The following DLG2 variants were observed in gnomAD, a reference collection of about 807,000 sequenced individuals.
The protein encoded by DLG2 is disks large homolog 2.
Under a neutral mutation model 132.5 loss-of-function variants are expected in DLG2, and 45 were observed. The ratio of observed to expected loss-of-function variants is 0.34; its 90% CI spans 0.27 to 0.44. The LOEUF (loss-of-function observed/expected upper bound fraction) is 0.44, where lower values mean the gene tolerates loss of function less well. Among genes scored for constraint, DLG2 ranks in the 20% least tolerant of loss-of-function variants. The probability of loss-of-function intolerance (pLI) is 1.00; values close to 1 mark genes in which losing one functional copy is unlikely to be tolerated. For synonymous variants in DLG2, 424 were observed against 419.6 expected (o/e 1.01, Z -0.13); for missense variants, 1,045 against 1,196.9 (o/e 0.87, Z 1.87).
chr11:84,342,162 C>T (rs935194800), intron 7 of DLG2, among the ~76,000 whole-genome samples: 2 of 152,078 alleles, frequency 1.3e-5, no homozygotes, highest in South Asian at 2.1e-4. Context: ...TTGAAGCTCA[C>T]CCAGGAGACT....
chr11:84,094,974 A>G (rs1057294811), intron 10 of DLG2, among the ~76,000 whole-genome samples: 4 of 152,186 alleles, frequency 2.6e-5, no homozygotes, highest in African/African-American at 7.2e-5. Context: ...AGTGGCTTAC[A>G]TTATAAACTT....
rs201138966 is a variant in DLG2, at chr11:83,874,541, TA to T, written c.1497-54del. On this transcript the variant is annotated intron_variant, in intron 15 of 27. Transcript: ENST00000376104. ...ATCATTTATTTATTTTTTATTTTTT[TA>T]TTTTTTTATTATACTTTAAGTTTTA... The T allele has an allele frequency of 4.9e-4, 631 of 1,284,126 alleles. 3 individuals are homozygous for T. The African/African-American group carries it at 0.013, about 26-fold the overall frequency. The allele number at this position is 1,284,126 out of a possible 1,614,324, so 79.5% of individuals were successfully genotyped here.
intron 6 of DLG2, among the ~76,000 whole-genome samples, chr11:84,898,843 A>AT (rs2090529564): frequency 6.6e-6 from 1 of 152,068 alleles, no homozygotes; most frequent in South Asian, 2.1e-4. Flanking sequence ...AAAGATTCAG[A>AT]TTGAATTTAG....
chr11:83,988,107 T>A (rs1289721355), intron 11 of DLG2, among the ~76,000 whole-genome samples: 1 of 152,212 alleles, frequency 6.6e-6, no homozygotes, highest in Non-Finnish European at 1.5e-5. Flanking sequence ...TGATGATAGT[T>A]TATTTTGCTG....
chr11:85,408,072 A>G (rs1476597330), intron 3 of DLG2, among the ~76,000 whole-genome samples: 1 of 151,522 alleles, frequency 6.6e-6, no homozygotes, highest in African/African-American at 2.4e-5. Context: ...CTCAATAACA[A>G]GAATTTTTTG....
At chr11:84,963,169 G>T (rs1772906983) in intron 6 of DLG2, among the ~76,000 whole-genome samples, 1 of 152,150 alleles carries the variant, frequency 6.6e-6, no homozygotes, top group Admixed American at 6.5e-5. Flanking sequence ...CTTTTTGAGA[G>T]CCTTTAGGTA....
intron 18 of DLG2, among the ~76,000 whole-genome samples, chr11:83,670,581 T>C (rs1370136786): frequency 6.6e-6 from 1 of 151,970 alleles, no homozygotes; most frequent in African/African-American, 2.4e-5. Flanking sequence ...AAATTCATTG[T>C]GTTGTCATAG....
chr11:85,176,477 G>A (rs115990599), intron 4 of DLG2, among the ~76,000 whole-genome samples: 2 of 152,218 alleles, frequency 1.3e-5, no homozygotes, highest in African/African-American at 4.8e-5. Flanking sequence ...ATGGATTAAT[G>A]ATCTAAATAT....
chr11:85,565,931 C>G (rs1472839563), intron 3 of DLG2, among the ~76,000 whole-genome samples: 4 of 152,130 alleles, frequency 2.6e-5, no homozygotes, highest in Non-Finnish European at 5.9e-5. Context: ...AACTGCCACA[C>G]AGTTTTTCAC....
At chr11:84,378,944 C>G (rs2098739894) in intron 7 of DLG2, among the ~76,000 whole-genome samples, 1 of 151,086 alleles carries the variant, frequency 6.6e-6, no homozygotes, top group Non-Finnish European at 1.5e-5. Context: ...GACTCCATCT[C>G]AAAAACATCT....
intron 3 of DLG2, among the ~76,000 whole-genome samples, chr11:85,448,727 T>C (rs560698140): frequency 9.9e-5 from 15 of 152,150 alleles, no homozygotes; most frequent in Non-Finnish European, 2.1e-4. Context: ...AGATAAGGGT[T>C]TGGGGACCCA....
chr11:84,888,685 C>A lies in DLG2; in HGVS notation c.357+222976G>T, dbSNP rs1478441067. ...TTGCATCTCAGGCAAAAAAAAAAAT[C>A]TTTTCTTATTAGCTTCTATCCTCCA... On this transcript the variant is annotated intron_variant, in intron 6 of 27. Coordinates refer to ENST00000376104, the MANE Select transcript of DLG2 (RefSeq NM_001142699.3). 1.3e-5 allele frequency among the ~76,000 whole-genome samples: 2 copies of A among 151,490 alleles called. 1 individual carries two copies. Among genetic ancestry groups the A allele is most frequent in the Non-Finnish European group, 2.9e-5 (2 of 67,892 alleles).
At chr11:83,461,461 AT>A (rs1012976705) in intron 27 of DLG2, 1 of 152,394 alleles carries the variant, frequency 6.6e-6, no homozygotes, top group Non-Finnish European at 1.5e-5. Flanking sequence ...CCAAGGAAAC[AT>A]TTAAAAAGAA....
intron 7 of DLG2, among the ~76,000 whole-genome samples, chr11:84,345,676 C>T (rs2098536376): frequency 6.6e-6 from 1 of 151,954 alleles, no homozygotes; most frequent in Non-Finnish European, 1.5e-5. Flanking sequence ...AAATCCTTCT[C>T]TGGTACTTTG....
chr11:84,545,107 C>G (rs928295560), intron 6 of DLG2: 6 of 452,086 alleles, frequency 1.3e-5, no homozygotes, highest in African/African-American at 1.2e-4. Context: ...CTCTCTCACG[C>G]TAAGCTTTGT....
chr11:85,352,039 T>C (rs2083330955), intron 3 of DLG2, among the ~76,000 whole-genome samples: 1 of 152,226 alleles, frequency 6.6e-6, no homozygotes, highest in Non-Finnish European at 1.5e-5. Context: ...CATCTGGTCC[T>C]GGACTTTTTT....
chr11:84,385,198 A>C (rs576755847), intron 7 of DLG2, among the ~76,000 whole-genome samples: 3 of 152,188 alleles, frequency 2.0e-5, no homozygotes, highest in Admixed American at 2.0e-4. Context: ...TTAGATCTCT[A>C]AATCATCTAA....
At chr11:85,165,666 T>A (rs1249055002) in intron 4 of DLG2, among the ~76,000 whole-genome samples, 3 of 152,202 alleles carry the variant, frequency 2.0e-5, no homozygotes, top group African/African-American at 7.2e-5. Flanking sequence ...TGCTTCCTGA[T>A]TTCAACAAAT....
intron 11 of DLG2, among the ~76,000 whole-genome samples, chr11:84,011,518 C>T (rs867418440): frequency 6.6e-6 from 1 of 151,754 alleles, no homozygotes; most frequent in African/African-American, 2.4e-5. Flanking sequence ...ACAAGAAAAA[C>T]CAGCTTTACT....
Sources: gnomAD v4.1 joint callset for allele counts (sites outside exome capture counted in the v4.1 genomes callset) on GRCh38, gnomAD v4.1.1 for gene constraint, MANE v1.5 for transcripts, NCBI Gene and HGNC (gene_info 2026-07-23, HGNC 2026-07-21) for gene names.